Variants in DISP2 observed in about 807,000 individuals in gnomAD.
DISP2 encodes the protein dispatched RND transporter family member 2.
A neutral mutation model predicts 95.5 loss-of-function variants in DISP2; 59 were observed. The ratio of observed to expected loss-of-function variants is 0.62; its 90% CI spans 0.50 to 0.77. DISP2 has a LOEUF of 0.77. DISP2 is among the 30% of genes least tolerant of loss of function. The pLI is 0.00. For missense variants in DISP2, 1,752 were observed against 1,854.6 expected, an observed-to-expected ratio of 0.94 and a Z score of 1.02; for synonymous variants, 827 against 815.0, an observed-to-expected ratio of 1.01 and a Z score of -0.25.
At chr15:40,364,812 GTTC>G (rs1230080689) in intron 4 of DISP2, 23 bp from the exon 5 acceptor site, 4 of 1,608,764 alleles carry the variant, frequency 2.5e-6, no homozygotes, top group Non-Finnish European at 3.4e-6. Context: ...CTGCCCACCT[GTTC>G]TTCTCCACCC....
chr15:40,369,266 G>A lies in DISP2; in HGVS notation c.3154G>A (p.Val1052Met). ...CCCACACCCTGACCGCCTGAGCCGT[G>A]TGGCCTTCTCTCTGCGCCAGACCAG... ...LCPHPDRLSR[V>M]AFSLRQTSCA... Residue 1052 changes from valine (V) to methionine (M), a missense_variant, in exon 8 of 8, where the codon GTG (valine) becomes ATG (methionine). By Grantham distance (21) the Val-to-Met change is conservative. This residue lies in a region of DISP2 where 317 missense variants were observed against 394.9 expected (regional missense o/e 0.80). Transcript: ENST00000267889. The A allele has an allele frequency of 1.2e-6, 2 of 1,613,818 alleles. No individual in the cohort carries two copies. The highest frequency in any genetic ancestry group is 1.7e-6 in the Non-Finnish European group (2 of 1,180,036).
rs756267390 is a variant in DISP2, at chr15:40,365,763, A to G, written c.945+38A>G. The G allele has an allele frequency of 2.5e-6, 4 of 1,600,474 alleles. No individual in the cohort carries two copies. The South Asian group carries it at 3.3e-5, about 13-fold the overall frequency. On this transcript the variant is annotated intron_variant, in intron 7 of 7. Coordinates refer to ENST00000267889, the MANE Select transcript of DISP2 (RefSeq NM_033510.3). The stretch of plus-strand genomic sequence containing the variant: ...GGGAGGTGCCAGGGGTTTGGGGGGA[A>G]CTAAGGACATGAGGGAACTGATCCC...
chr15:40,360,574 G>C (rs1006891319), intron 1 of DISP2, among the ~76,000 whole-genome samples: 4 of 152,130 alleles, frequency 2.6e-5, no homozygotes, highest in Non-Finnish European at 5.9e-5. Flanking sequence ...TCCAGCAGAA[G>C]CAAACCAGTG....
chr15:40,370,320 G>C lies in DISP2; in HGVS notation c.*2G>C, dbSNP rs781454526. ...CACACGTCAGGCTATAGCAGCTGAG[G>C]GGGACCCGGGGAGGCTGGACAGGGC... On this transcript the variant is annotated 3_prime_UTR_variant, in exon 8 of 8. Coordinates refer to ENST00000267889, the MANE Select transcript of DISP2 (RefSeq NM_033510.3). 1 of 1,522,376 alleles carries C rather than the reference G, an allele frequency of 6.6e-7. No homozygotes were observed. The allele number at this position is 1,522,376 out of a possible 1,614,324, so 94.3% of individuals were successfully genotyped here. A position where few individuals can be genotyped will look rare whatever the true frequency, so the allele number is the denominator to read the frequency against.
At position 40,367,984 on chromosome 15, in the gene DISP2, G is replaced by C. The variant is rs1301344399; in HGVS notation, c.1872G>C (p.Thr624=). The C allele has an allele frequency of 1.3e-6, 2 of 1,552,440 alleles. No individual in the cohort carries two copies. The highest frequency in any genetic ancestry group is 1.9e-5 in the Admixed American group (1 of 53,114). Residue 624 remains threonine (T), a synonymous_variant, in exon 8 of 8, where the codon ACG becomes ACC. Transcript: ENST00000267889. The stretch of plus-strand genomic sequence containing the variant: ...GCTGCCTCGCCCTCTTCATGGGCAC[G>C]GCTGTGCTGGTGCACCTGGCGCTCA... The part of the protein sequence containing the change: ...AVRCLALFMG[T]AVLVHLALTL...
intron 7 of DISP2, 95 bp from the exon 8 acceptor site, chr15:40,366,963 A>T: frequency 6.8e-7 from 1 of 1,477,866 alleles, no homozygotes; most frequent in Non-Finnish European, 9.1e-7. Flanking sequence ...CTTGCCCTGT[A>T]GTGTGAAAGG....
intron 1 of DISP2, among the ~76,000 whole-genome samples, chr15:40,359,967 C>A (rs1270406664): frequency 6.6e-6 from 1 of 152,258 alleles, no homozygotes; most frequent in African/African-American, 2.4e-5. Flanking sequence ...TCTGTCCTGG[C>A]CACTCTGTGG....
rs542268023 is a variant in DISP2, at chr15:40,368,450, C to T, written c.2338C>T (p.Pro780Ser). ...MPVVLVWGVLPVDTGDPLDPR... is the reference protein window; with the variant it reads ...MPVVLVWGVLSVDTGDPLDPR... ...CGTGGTTTTGGTGTGGGGCGTCCTG[C>T]CTGTGGACACTGGCGACCCTCTGGA... The change falls in exon 8 of 8, where the codon CCT becomes TCT. Residue 780 changes from proline to serine, a missense_variant. Coordinates refer to ENST00000267889, the MANE Select transcript of DISP2 (RefSeq NM_033510.3). The T allele has an allele frequency of 3.1e-6, 5 of 1,609,698 alleles. No individual in the cohort carries two copies. In the South Asian group the frequency reaches 3.3e-5, roughly 11 times the overall value.
chr15:40,358,309 G>A lies in DISP2; in HGVS notation c.-13G>A. On this transcript the variant is annotated 5_prime_UTR_variant, in exon 1 of 8. Transcript: ENST00000267889. ...TCAGCACCAGCGCCCGGACAGCGGT[G>A]CCGCCCACGGGCATGGACGGTGACA... 2 of 1,303,652 alleles carry A rather than the reference G, an allele frequency of 1.5e-6. No individual in the cohort carries two copies. Among genetic ancestry groups the A allele is most frequent in the Non-Finnish European group, 1.9e-6 (2 of 1,029,770 alleles). 80.8% of individuals were successfully genotyped at this position (1,303,652 alleles called of 1,614,324 possible).
Position 40,363,961 on chromosome 15 carries a change from A to T in DISP2, c.449+7A>T. On this transcript the variant is annotated splice_region_variant and intron_variant, in intron 2 of 7. Transcript: ENST00000267889. ...ACCATGTGGTCAGCGTCAGGTAAGG[A>T]GGGGTCCAGCAGCCTGCCAGCTGCC... is the stretch of plus-strand genomic sequence containing the variant. 6.6e-7 allele frequency: 1 copy of T among 1,521,986 alleles called. No homozygotes were observed. Among genetic ancestry groups the T allele is most frequent in the Non-Finnish European group, 8.8e-7 (1 of 1,138,408 alleles). 94.3% of individuals were successfully genotyped at this position (1,521,986 alleles called of 1,614,324 possible).
At position 40,374,927 on chromosome 15, in the gene DISP2, G is replaced by C. The variant is rs1202007844; in HGVS notation, c.*4609G>C. 6.6e-6 allele frequency: 1 copy of C among 152,124 alleles called. No homozygotes were observed. Among genetic ancestry groups the C allele is most frequent in the African/African-American group, 2.4e-5 (1 of 41,418 alleles). 9.4% of individuals were successfully genotyped at this position (152,124 alleles called of 1,614,324 possible). A position where few individuals can be genotyped will look rare whatever the true frequency, so the allele number is the denominator to read the frequency against. ...CCCGGCCCTGATCTTTTCTTTGACG[G>C]TGGCAGTATCTCATTTTTTGATAAT... is the stretch of plus-strand genomic sequence containing the variant. On this transcript the variant is annotated 3_prime_UTR_variant, in exon 8 of 8. Transcript: ENST00000267889.
chr15:40,369,648 G>C lies in DISP2; in HGVS notation c.3536G>C (p.Ser1179Thr). 1 of 1,611,830 alleles carries C rather than the reference G, an allele frequency of 6.2e-7. No individual in the cohort carries two copies. The highest frequency in any genetic ancestry group is 8.5e-7 in the Non-Finnish European group (1 of 1,179,962). ...CGTCGGAGCCCCAGCTTTGACACCA[G>C]CACAGCCACCAGCAAGCTGTCCCAC... ...ARRRSPSFDT[S>T]TATSKLSHRP... is the part of the protein sequence containing the mutation. The change falls in exon 8 of 8, where the codon AGC becomes ACC. Residue 1179 changes from serine (S) to threonine (T), a missense_variant. By Grantham distance (58) the Ser-to-Thr change is moderately conservative (BLOSUM62 1). This residue lies in a region of DISP2 where 347 missense variants were observed against 344.2 expected (regional missense o/e 1.01). Coordinates refer to ENST00000267889, the MANE Select transcript of DISP2 (RefSeq NM_033510.3).
chr15:40,359,118 C>G (rs975275198), intron 1 of DISP2, among the ~76,000 whole-genome samples: 1 of 152,232 alleles, frequency 6.6e-6, no homozygotes, highest in Non-Finnish European at 1.5e-5. Context: ...GCCCAGATCT[C>G]AGCACCTCTC....
chr15:40,367,266 T>G lies in DISP2; in HGVS notation c.1154T>G (p.Leu385Arg). Residue 385 changes from leucine (L) to arginine (R), a missense_variant, in exon 8 of 8, where the codon CTG becomes CGG. Physicochemically the swap from Leu to Arg is moderately radical, Grantham distance 102. Transcript: ENST00000267889. ...YHSGALVPSC[L>R]GPGQNKSPRC... The stretch of plus-strand genomic sequence containing the variant: ...AGTGGCGCCTTGGTGCCCTCTTGTC[T>G]GGGACCTGGGCAGAACAAGTCCCCA... 1 of 1,613,904 alleles carries G rather than the reference T, an allele frequency of 6.2e-7. No individual in the cohort carries two copies. The highest frequency in any genetic ancestry group is 8.5e-7 in the Non-Finnish European group (1 of 1,179,970).
chr15:40,360,968 A>G (rs1049016230), intron 1 of DISP2, among the ~76,000 whole-genome samples: 2 of 152,224 alleles, frequency 1.3e-5, no homozygotes, highest in Admixed American at 1.3e-4. Context: ...AGAATTTAAC[A>G]TCTTAAAGAG....
At chr15:40,365,831 G>A in intron 7 of DISP2, 106 bp downstream of exon 7, 1 of 1,113,666 alleles carries the variant, frequency 9.0e-7, no homozygotes, top group Admixed American at 1.8e-5. Flanking sequence ...GGTGGACTGG[G>A]GAAGAGCATT....
chr15:40,363,567 C>T, intron 1 of DISP2, 58 bp from the exon 2 acceptor site: 10 of 1,221,192 alleles, frequency 8.2e-6, no homozygotes, highest in Non-Finnish European at 1.1e-5. Flanking sequence ...AATGCTGGGG[C>T]ATGGGGTGGC....
Position 40,375,066 on chromosome 15 carries a change from A to G in DISP2, c.*4748A>G, listed in dbSNP as rs1889712253. The G allele has an allele frequency of 6.6e-6, 1 of 152,232 alleles. No individual in the cohort carries two copies. Among genetic ancestry groups the G allele is most frequent in the African/African-American group, 2.4e-5 (1 of 41,456 alleles). The allele number at this position is 152,232 out of a possible 1,614,324, so 9.4% of individuals were successfully genotyped here. Reference sequence around the variant, plus strand: ...CCTTTCTACCCACACCCTTGTTCACAGGGATGACTGTAACTAAGGTCTGCA... The same window carrying G: ...CCTTTCTACCCACACCCTTGTTCACGGGGATGACTGTAACTAAGGTCTGCA... On this transcript the variant is annotated 3_prime_UTR_variant, in exon 8 of 8. Coordinates refer to ENST00000267889, the MANE Select transcript of DISP2 (RefSeq NM_033510.3).
At chr15:40,362,629 G>A (rs1889423016) in intron 1 of DISP2, among the ~76,000 whole-genome samples, 1 of 152,170 alleles carries the variant, frequency 6.6e-6, no homozygotes, top group Admixed American at 6.5e-5. Flanking sequence ...CAGATGCTAT[G>A]AAAAAAATAT....
Sources: gnomAD v4.1 joint callset for allele counts (sites outside exome capture counted in the v4.1 genomes callset) on GRCh38, gnomAD v4.1.1 for gene constraint, gnomAD v4.1.1 regional missense constraint, MANE v1.5 for transcripts, NCBI Gene and HGNC (gene_info 2026-07-23, HGNC 2026-07-21) for gene names.